SPOPL: variants seen among roughly 807,000 people sequenced by gnomAD.
The protein encoded by SPOPL is speckle type BTB/POZ protein like, also known as speckle-type POZ protein-like.
Under a neutral mutation model 53.8 loss-of-function variants are expected in SPOPL, and 23 were observed. That is an observed-to-expected ratio of 0.43 (90% confidence interval 0.31 to 0.61). The LOEUF (loss-of-function observed/expected upper bound fraction) is 0.61. SPOPL is among the 20% of genes least tolerant of loss of function. The pLI is 0.12. For missense variants in SPOPL, 442 were observed against 466.9 expected, an observed-to-expected ratio of 0.95 and a Z score of 0.49; for synonymous variants, 164 against 149.7, an observed-to-expected ratio of 1.10 and a Z score of -0.70.
At chr2:138,538,853 T>C (rs1384332871) in intron 1 of SPOPL, among the ~76,000 whole-genome samples, 2 of 152,070 alleles carry the variant, frequency 1.3e-5, no homozygotes, top group Non-Finnish European at 1.5e-5. Context: ...ACCCATTAAC[T>C]CATCATTTAA....
rs1313797231 is a variant in SPOPL at position 138,570,871 on chromosome 2, A to G, written c.*1791A>G. ...GTTATCCACAACAACCTAGAGTTTAAAAAGATCGTATTTTCACCTGTCTTC... is the reference window on the plus strand; with the variant it reads ...GTTATCCACAACAACCTAGAGTTTAGAAAGATCGTATTTTCACCTGTCTTC... On this transcript the variant is annotated 3_prime_UTR_variant, in exon 11 of 11. Coordinates refer to ENST00000280098, the MANE Select transcript of SPOPL (RefSeq NM_001001664.3). 6.6e-6 allele frequency: 1 copy of G among 152,162 alleles called. No individual in the cohort carries two copies. Among genetic ancestry groups the G allele is most frequent in the Non-Finnish European group, 1.5e-5 (1 of 68,016 alleles). The allele number at this position is 152,162 out of a possible 1,614,324, so 9.4% of individuals were successfully genotyped here. A position where few individuals can be genotyped will look rare whatever the true frequency, so the allele number is the denominator to read the frequency against.
At chr2:138,515,488 T>A (rs778980231) in intron 1 of SPOPL, among the ~76,000 whole-genome samples, 19 of 152,218 alleles carry the variant, frequency 1.2e-4, no homozygotes, top group Admixed American at 7.2e-4. Flanking sequence ...ATGCTGTGTG[T>A]TTTTATGTCT....
At chr2:138,506,829 G>A (rs1684225294) in intron 1 of SPOPL, among the ~76,000 whole-genome samples, 1 of 152,214 alleles carries the variant, frequency 6.6e-6, no homozygotes, top group Non-Finnish European at 1.5e-5. Flanking sequence ...TATAATTGAT[G>A]TCTGGGAGTG....
chr2:138,544,529 G>A (rs1573895218), intron 1 of SPOPL, among the ~76,000 whole-genome samples: 3 of 152,290 alleles, frequency 2.0e-5, no homozygotes, highest in South Asian at 2.1e-4. Flanking sequence ...AAGACCCTCC[G>A]AGCCAGGTGC....
At chr2:138,514,126 AG>A (rs1327365418) in intron 1 of SPOPL, among the ~76,000 whole-genome samples, 1 of 152,194 alleles carries the variant, frequency 6.6e-6, no homozygotes, top group East Asian at 1.9e-4. Flanking sequence ...CAGTTAATTT[AG>A]GAAGTTTATT....
At chr2:138,538,922 C>T (rs929402016) in intron 1 of SPOPL, among the ~76,000 whole-genome samples, 3 of 152,114 alleles carry the variant, frequency 2.0e-5, no homozygotes, top group Non-Finnish European at 2.9e-5. Flanking sequence ...CAACAGACCC[C>T]GGTGTGTGAT....
chr2:138,569,930 G>T lies in SPOPL; in HGVS notation c.*850G>T, dbSNP rs1163982913. On this transcript the variant is annotated 3_prime_UTR_variant, in exon 11 of 11. Transcript: ENST00000280098. The stretch of plus-strand genomic sequence containing the variant: ...AGAAAGATACATATGCACTTTTACT[G>T]TGTAACTTTTGTATGCTGAATGGTA... 1 of 152,496 alleles carries T rather than the reference G, an allele frequency of 6.6e-6. No homozygotes were observed. The allele number at this position is 152,496 out of a possible 1,614,324, so 9.4% of individuals were successfully genotyped here.
At chr2:138,562,725 A>C (rs1271922016) in intron 8 of SPOPL, among the ~76,000 whole-genome samples, 1 of 148,196 alleles carries the variant, frequency 6.7e-6, no homozygotes, top group East Asian at 2.0e-4. Flanking sequence ...CAGAGGTTGC[A>C]GTGAGCCAAG....
At chr2:138,517,656 C>T (rs952021026) in intron 1 of SPOPL, among the ~76,000 whole-genome samples, 3 of 151,470 alleles carry the variant, frequency 2.0e-5, no homozygotes, top group Admixed American at 1.3e-4. Context: ...AGGAGAATGG[C>T]GTGAACCCAG....
At chr2:138,527,882 G>A (rs1334181199) in intron 1 of SPOPL, among the ~76,000 whole-genome samples, 1 of 152,158 alleles carries the variant, frequency 6.6e-6, no homozygotes, top group Non-Finnish European at 1.5e-5. Context: ...AAGTGGGCAA[G>A]GTGTCTCAAC....
In SPOPL at chr2:138,501,848, TG is replaced by T. The variant is rs1423441648; in HGVS notation, c.-327del. The T allele has an allele frequency of 2.0e-5, 2 of 99,428 alleles. No homozygotes were observed. Among genetic ancestry groups the T allele is most frequent in the Non-Finnish European group, 4.5e-5 (2 of 44,852 alleles). 6.2% of individuals were successfully genotyped at this position (99,428 alleles called of 1,614,324 possible). A position where few individuals can be genotyped will look rare whatever the true frequency, so the allele number is the denominator to read the frequency against. On this transcript the variant is annotated 5_prime_UTR_variant, in exon 1 of 11. Transcript: ENST00000280098. The stretch of plus-strand genomic sequence containing the variant: ...CCCAGACGGGCCCGCGGCGGGGGGG[TG>T]GGGGCTGCGCGGGGGCGGGAGTGGC...
chr2:138,562,213 A>T (rs559906226), intron 8 of SPOPL, among the ~76,000 whole-genome samples: 7 of 151,388 alleles, frequency 4.6e-5, no homozygotes, highest in Non-Finnish European at 8.8e-5. Context: ...ATTTTATTAT[A>T]ATAACTTTGG....
At chr2:138,513,150 G>C (rs998826182) in intron 1 of SPOPL, among the ~76,000 whole-genome samples, 1 of 152,178 alleles carries the variant, frequency 6.6e-6, no homozygotes, top group Non-Finnish European at 1.5e-5. Flanking sequence ...GGCCATGATG[G>C]CTCACGCCTG....
At chr2:138,568,773 C>T (rs1482594091) in intron 10 of SPOPL, among the ~76,000 whole-genome samples, 163 bp from the exon 11 acceptor site, 1 of 151,908 alleles carries the variant, frequency 6.6e-6, no homozygotes, top group African/African-American at 2.4e-5. Flanking sequence ...ACAGAAGATA[C>T]CAGTAAGATA....
chr2:138,526,426 A>C (rs538012139), intron 1 of SPOPL, among the ~76,000 whole-genome samples: 1 of 152,172 alleles, frequency 6.6e-6, no homozygotes, highest in Non-Finnish European at 1.5e-5. Flanking sequence ...AAGGCACACA[A>C]AATAATTTAG....
chr2:138,532,643 C>T (rs552409474), intron 1 of SPOPL, among the ~76,000 whole-genome samples: 60 of 146,164 alleles, frequency 4.1e-4, no homozygotes, highest in African/African-American at 1.3e-3. Flanking sequence ...GGGGTTTCAC[C>T]GTGTTAGCCA....
chr2:138,543,523 G>T (rs868527187), intron 1 of SPOPL, among the ~76,000 whole-genome samples: 2 of 152,016 alleles, frequency 1.3e-5, no homozygotes, highest in Non-Finnish European at 2.9e-5. Flanking sequence ...TCAGTTGGTC[G>T]CATTGGCTAC....
At chr2:138,513,973 T>C (rs1684384522) in intron 1 of SPOPL, among the ~76,000 whole-genome samples, 1 of 152,180 alleles carries the variant, frequency 6.6e-6, no homozygotes, top group Non-Finnish European at 1.5e-5. Context: ...GCTTTTTTAT[T>C]TTAAGTAAAC....
At chr2:138,560,638 A>G (rs1019437077) in intron 7 of SPOPL, among the ~76,000 whole-genome samples, 167 bp from the exon 8 acceptor site, 3 of 151,858 alleles carry the variant, frequency 2.0e-5, no homozygotes, top group African/African-American at 7.3e-5. Flanking sequence ...AAGTTTACCT[A>G]CCTCAATTTT....
Sources: allele counts gnomAD v4.1 joint callset (sites outside exome capture counted in the v4.1 genomes callset), GRCh38; gene constraint gnomAD v4.1.1; transcripts MANE v1.5; gene names NCBI Gene and HGNC (gene_info 2026-07-23, HGNC 2026-07-21).